The following ADGRB2 variants were observed in gnomAD, a reference collection of about 807,000 sequenced individuals.
ADGRB2 encodes the protein adhesion G protein-coupled receptor B2.
Under a neutral mutation model 178.7 loss-of-function variants are expected in ADGRB2, and 47 were observed. The observed-to-expected ratio is 0.26, with a 90% CI of 0.21 to 0.34. ADGRB2 has a LOEUF of 0.34. Among genes scored for constraint, ADGRB2 ranks in the 10% least tolerant of loss-of-function variants. The pLI is 1.00. For synonymous variants in ADGRB2, 870 were observed against 912.4 expected, an observed-to-expected ratio of 0.95 and a Z score of 0.84; for missense variants, 1,584 against 2,180.8, an observed-to-expected ratio of 0.73 and a Z score of 5.45.
chr1:31,730,637 A>G (rs1000296450), intron 29 of ADGRB2, among the ~76,000 whole-genome samples, 163 bp downstream of exon 29: 16 of 152,218 alleles, frequency 1.1e-4, no homozygotes, highest in Admixed American at 6.5e-4. Context: ...ATTCACAGAC[A>G]CCACGGAGCT....
At position 31,753,423 on chromosome 1, in the gene ADGRB2, C is replaced by T. The variant is rs866792716; in HGVS notation, c.838+2576G>A. Reference sequence around the variant, plus strand: ...CCCAGGCACTCCGCCAGTCACTGCCCACCAGCCCCCAGCCCAGTGCTCTTC... The same window carrying T: ...CCCAGGCACTCCGCCAGTCACTGCCTACCAGCCCCCAGCCCAGTGCTCTTC... On this transcript the variant is annotated intron_variant, in intron 4 of 32. Coordinates refer to ENST00000373658, the MANE Select transcript of ADGRB2 (RefSeq NM_001364857.2). The surrounding 1 kb of genome is among the most constrained non-coding windows in gnomAD (Gnocchi z 4.1). Among the ~76,000 whole-genome samples the T allele has an allele frequency of 8.5e-5, 13 of 152,340 alleles. No homozygotes were observed. The highest frequency in any genetic ancestry group is 6.2e-4 in the South Asian group (3 of 4,828).
rs775762120 is a variant in ADGRB2 at position 31,756,197 on chromosome 1, T to G, written c.640A>C (p.Arg214=). 2.0e-4 allele frequency: 319 copies of G among 1,613,362 alleles called. 1 individual carries two copies. The highest frequency in any genetic ancestry group is 2.6e-4 in the Non-Finnish European group (302 of 1,179,900). ...WSEECGRAAG[R]ACGFAQPGCS... ...CCTGGCTGAGCAAAGCCGCAGGCCC[T>G]GCCGGCAGCGCGGCCACACTCCTCA... Residue 214 remains arginine (R), a synonymous_variant, in exon 4 of 33, where the codon AGG becomes CGG. Coordinates refer to ENST00000373658, the MANE Select transcript of ADGRB2 (RefSeq NM_001364857.2). The surrounding 1 kb of genome is among the most constrained non-coding windows in gnomAD (Gnocchi z 8.5).
Position 31,738,924 on chromosome 1 carries a change from C to T in ADGRB2, c.2509G>A (p.Val837Ile), listed in dbSNP as rs755579286. 25 of 1,612,262 alleles carry T rather than the reference C, an allele frequency of 1.6e-5. No individual in the cohort carries two copies. In the East Asian group the frequency reaches 2.7e-4, roughly 17 times the overall value. Reference sequence around the variant, plus strand: ...GTCACTGTCATCACCCGGGATGTGACGGCCAGCGGGGGCCTGCGGGACAGG... The same window carrying T: ...GTCACTGTCATCACCCGGGATGTGATGGCCAGCGGGGGCCTGCGGGACAGG... ...ILPPPRPPLA[V>I]TSRVMTVTVR... Residue 837 changes from valine to isoleucine, a missense_variant, in exon 16 of 33, where the codon GTC becomes ATC. Around this residue, in one of 3 missense-constraint regions of ADGRB2, gnomAD observed 865 missense variants for 1,192.8 expected, o/e 0.73. Coordinates refer to ENST00000373658, the MANE Select transcript of ADGRB2 (RefSeq NM_001364857.2).
rs371778534 is a variant in ADGRB2 at position 31,735,809 on chromosome 1, T to G, written c.3267+18A>C. ...CTCTGGGGCCATGCCCCTTCCAAGA[T>G]GCTGAACGGGCACATACCAGGACAA... On this transcript the variant is annotated intron_variant, in intron 23 of 32. Coordinates refer to ENST00000373658, the MANE Select transcript of ADGRB2 (RefSeq NM_001364857.2). This position sits in a 1 kb window ranked among gnomAD's most constrained non-coding sequence, Gnocchi z 6.0. 4 of 1,607,936 alleles carry G rather than the reference T, an allele frequency of 2.5e-6. No homozygotes were observed. The highest frequency in any genetic ancestry group is 3.4e-6 in the Non-Finnish European group (4 of 1,176,616).
chr1:31,741,305 C>T lies in ADGRB2; in HGVS notation c.1794+68G>A. ...CACGTGGGAACGAGCGAGAATCACG[C>T]TCCCTCCACCCCCTAGCAGAGTCTG... On this transcript the variant is annotated intron_variant, in intron 11 of 32. Coordinates refer to ENST00000373658, the MANE Select transcript of ADGRB2 (RefSeq NM_001364857.2). This position sits in a 1 kb window ranked among gnomAD's most constrained non-coding sequence, Gnocchi z 6.5. The T allele has an allele frequency of 6.8e-7, 1 of 1,472,978 alleles. No homozygotes were observed. Among genetic ancestry groups the T allele is most frequent in the Non-Finnish European group, 9.3e-7 (1 of 1,079,628 alleles). The allele number at this position is 1,472,978 out of a possible 1,614,324, so 91.2% of individuals were successfully genotyped here.
At chr1:31,734,420 G>T (rs547197790) in intron 25 of ADGRB2, among the ~76,000 whole-genome samples, 2 of 152,196 alleles carry the variant, frequency 1.3e-5, no homozygotes, top group African/African-American at 4.8e-5. Flanking sequence ...TAGTGCAGAC[G>T]GGGTGAGGGA....
intron 16 of ADGRB2, 44 bp from the exon 17 acceptor site, chr1:31,738,674 A>G: frequency 7.5e-6 from 12 of 1,605,198 alleles, no homozygotes; most frequent in Non-Finnish European, 8.5e-6. Context: ...AGGGAAGCTC[A>G]CCACACCCCA....
In ADGRB2 at chr1:31,732,610, G is replaced by A. The variant is rs377131292; in HGVS notation, c.3627C>T (p.Val1209=). ...CCATCTGGCACTTCACCACATCCTG[G>A]ACCTGGGGACAGAGGGCGCCTGCTG... ...TAVHCFLRRE[V]QDVVKCQMGV... The change falls in exon 27 of 33, where the codon GTC becomes GTT. Residue 1209 remains valine (V), a splice_region_variant and synonymous_variant. Coordinates refer to ENST00000373658, the MANE Select transcript of ADGRB2 (RefSeq NM_001364857.2). 1.1e-5 allele frequency: 17 copies of A among 1,613,746 alleles called. No individual in the cohort carries two copies. Among genetic ancestry groups the A allele is most frequent in the Non-Finnish European group, 1.4e-5 (17 of 1,179,946 alleles).
rs537560733 is a variant in ADGRB2 at position 31,755,091 on chromosome 1, C to T, written c.838+908G>A. On this transcript the variant is annotated intron_variant, in intron 4 of 32. Transcript: ENST00000373658. The surrounding 1 kb of genome is among the most constrained non-coding windows in gnomAD (Gnocchi z 5.1). ...AGAGGCCTCCCTGTCGGTACCAGAG[C>T]TGCAGACCAGACCCCAGACCTGCCT... 2.6e-5 allele frequency among the ~76,000 whole-genome samples: 4 copies of T among 152,350 alleles called. No homozygotes were observed. The South Asian group carries it at 8.3e-4, about 32-fold the overall frequency.
chr1:31,738,149 A>T, intron 18 of ADGRB2, 51 bp downstream of exon 18: 1 of 1,596,096 alleles, frequency 6.3e-7, no homozygotes, highest in Non-Finnish European at 8.6e-7. Context: ...TGGCTGCTGG[A>T]AGCCCAGGGC....
chr1:31,740,560 CCA>C lies in ADGRB2; in HGVS notation c.1795-21_1795-20del. 6.4e-7 allele frequency: 1 copy of C among 1,572,540 alleles called. No homozygotes were observed. The highest frequency in any genetic ancestry group is 8.6e-7 in the Non-Finnish European group (1 of 1,158,094). ...CCCTAAGCTGTAGGTGATGAGGGGG[CCA>C]CAGTCACTGAAGTGTCAGGAGCTGG... On this transcript the variant is annotated intron_variant, in intron 11 of 32. Transcript: ENST00000373658. This position sits in a 1 kb window ranked among gnomAD's most constrained non-coding sequence, Gnocchi z 5.9.
chr1:31,763,470 G>C (rs1307387053), intron 1 of ADGRB2, among the ~76,000 whole-genome samples: 1 of 145,128 alleles, frequency 6.9e-6, no homozygotes, highest in Non-Finnish European at 1.5e-5. Context: ...GGAAATAGAG[G>C]GGGAGACACA....
Position 31,744,165 on chromosome 1 carries a change from G to A in ADGRB2, c.1087+28C>T. On this transcript the variant is annotated intron_variant, in intron 6 of 32. Coordinates refer to ENST00000373658, the MANE Select transcript of ADGRB2 (RefSeq NM_001364857.2). This position sits in a 1 kb window ranked among gnomAD's most constrained non-coding sequence, Gnocchi z 6.7. ...CAGGCAGGACCTAACCCTGCAGGCA[G>A]GTGGGGTGGGGAGGAGGATGGGCCT... The A allele has an allele frequency of 6.7e-7, 1 of 1,503,254 alleles. No homozygotes were observed. 93.1% of individuals were successfully genotyped at this position (1,503,254 alleles called of 1,614,324 possible).
Position 31,764,170 on chromosome 1 carries a change from G to C in ADGRB2, c.-477C>G. 1.9e-6 allele frequency: 1 copy of C among 529,558 alleles called. No individual in the cohort carries two copies. Among genetic ancestry groups the C allele is most frequent in the South Asian group, 8.2e-5 (1 of 12,168 alleles). The allele number at this position is 529,558 out of a possible 1,614,324, so 32.8% of individuals were successfully genotyped here. ...CCCCGCTCCCCCGCTCCCCCGCCCC[G>C]AGCACCGCCCGCGCCGCGCGCCGCC... On this transcript the variant is annotated 5_prime_UTR_variant, in exon 1 of 33. Coordinates refer to ENST00000373658, the MANE Select transcript of ADGRB2 (RefSeq NM_001364857.2). The surrounding 1 kb of genome is among the most constrained non-coding windows in gnomAD (Gnocchi z 7.3).
At position 31,735,472 on chromosome 1, in the gene ADGRB2, T is replaced by C. The variant is rs1385949883; in HGVS notation, c.3353+108A>G. 1 of 1,420,636 alleles carries C rather than the reference T, an allele frequency of 7.0e-7. No individual in the cohort carries two copies. Among genetic ancestry groups the C allele is most frequent in the Non-Finnish European group, 9.7e-7 (1 of 1,025,732 alleles). The allele number at this position is 1,420,636 out of a possible 1,614,324, so 88.0% of individuals were successfully genotyped here. ...GCCTGCAACCTTGATGCACCAAGGTTGGGGAGCCCCGGTCGCATCATCGAG... is the reference window on the plus strand; with the variant it reads ...GCCTGCAACCTTGATGCACCAAGGTCGGGGAGCCCCGGTCGCATCATCGAG... On this transcript the variant is annotated intron_variant, in intron 24 of 32. Transcript: ENST00000373658. The surrounding 1 kb of genome is among the most constrained non-coding windows in gnomAD (Gnocchi z 6.0).
Position 31,757,484 on chromosome 1 carries a change from C to T in ADGRB2, c.-163G>A, listed in dbSNP as rs189813821. 7.3e-5 allele frequency: 39 copies of T among 533,052 alleles called. No homozygotes were observed. The highest frequency in any genetic ancestry group is 5.1e-5 in the Non-Finnish European group (15 of 295,416). The allele number at this position is 533,052 out of a possible 1,614,324, so 33.0% of individuals were successfully genotyped here. A position where few individuals can be genotyped will look rare whatever the true frequency, so the allele number is the denominator to read the frequency against. On this transcript the variant is annotated 5_prime_UTR_variant, in exon 2 of 33. Transcript: ENST00000373658. ...CACAGGAGGGCACTGTCAGTGTGGACGTCACATGTATCACTGCTGTGGATT... is the reference window on the plus strand; with the variant it reads ...CACAGGAGGGCACTGTCAGTGTGGATGTCACATGTATCACTGCTGTGGATT...
chr1:31,744,776 G>C lies in ADGRB2; in HGVS notation c.839-45C>G, dbSNP rs373231431. The C allele has an allele frequency of 2.1e-4, 328 of 1,599,198 alleles. 1 individual carries two copies. In the Middle Eastern group the frequency reaches 2.5e-3, roughly 12 times the overall value. The stretch of plus-strand genomic sequence containing the variant: ...GCAGGGGCTCAGCAAAGGCCAGCTA[G>C]GTTCTGTTACAGTGGCACAGTGAAG... On this transcript the variant is annotated intron_variant, in intron 4 of 32. Transcript: ENST00000373658. This position sits in a 1 kb window ranked among gnomAD's most constrained non-coding sequence, Gnocchi z 6.7.
rs143517724 is a variant in ADGRB2 at position 31,754,324 on chromosome 1, G to A, written c.838+1675C>T. 2.0e-3 allele frequency among the ~76,000 whole-genome samples: 312 copies of A among 152,348 alleles called. 1 individual carries two copies. Among genetic ancestry groups the A allele is most frequent in the South Asian group, 4.8e-3 (23 of 4,834 alleles). ...GCCCATGAGGGCAGAGCCTTGCTCC[G>A]TCCACTGCAGATCACTGGACCGATG... On this transcript the variant is annotated intron_variant, in intron 4 of 32. Coordinates refer to ENST00000373658, the MANE Select transcript of ADGRB2 (RefSeq NM_001364857.2). This position sits in a 1 kb window ranked among gnomAD's most constrained non-coding sequence, Gnocchi z 5.7.
At chr1:31,738,468 T>G in intron 17 of ADGRB2, 119 bp downstream of exon 17, 1 of 1,529,448 alleles carries the variant, frequency 6.5e-7, no homozygotes, top group Non-Finnish European at 8.9e-7. Context: ...GATACGTTCT[T>G]GACCCCTTAG....
Sources: allele counts gnomAD v4.1 joint callset (sites outside exome capture counted in the v4.1 genomes callset), GRCh38; gene constraint gnomAD v4.1.1; regional missense constraint gnomAD v4.1.1; non-coding constraint Gnocchi (gnomAD v3.1); transcripts MANE v1.5; gene names NCBI Gene and HGNC (gene_info 2026-07-23, HGNC 2026-07-21).